The following HSPG2 variants were observed in gnomAD, a reference collection of about 807,000 sequenced individuals.
HSPG2 encodes basement membrane-specific heparan sulfate proteoglycan core protein.
HSPG2 carries 278 observed loss-of-function variants against 526.6 expected under a neutral mutation model. The ratio of observed to expected loss-of-function variants is 0.53; its 90% confidence interval spans 0.48 to 0.58. The LOEUF (loss-of-function observed/expected upper bound fraction) is 0.58. Ranked by LOEUF, HSPG2 falls within the 20% of genes least tolerant of loss-of-function variation. The probability of loss-of-function intolerance (pLI) is 0.00; values close to 1 mark genes in which losing one functional copy is unlikely to be tolerated. For missense variants in HSPG2, 5,354 were observed against 6,099.5 expected, an observed-to-expected ratio of 0.88 and a Z score of 4.07; for synonymous variants, 2,465 against 2,555.4, an observed-to-expected ratio of 0.96 and a Z score of 1.07.
In HSPG2 at chr1:21,852,972, G is replaced by A. The variant is rs746072798; in HGVS notation, c.6538C>T (p.His2180Tyr). 6.2e-7 allele frequency: 1 copy of A among 1,613,576 alleles called. No homozygotes were observed. The highest frequency in any genetic ancestry group is 2.2e-5 in the East Asian group (1 of 44,870). ...DLNCVVPGQA[H>Y]AQVTWHKRGG... ...CGCTTGTGCCACGTGACCTGGGCGT[G>A]GGCCTGCCCGGGCACCACGCAGTTC... Residue 2180 changes from histidine to tyrosine, a missense_variant, in exon 51 of 97, where the codon CAC becomes TAC. By Grantham distance (83) the His-to-Tyr change is moderately conservative. Coordinates refer to ENST00000374695, the MANE Select transcript of HSPG2 (RefSeq NM_005529.7).
In HSPG2 at chr1:21,855,691, G is replaced by T; in HGVS notation, c.5702-16C>A. The T allele has an allele frequency of 6.3e-7, 1 of 1,584,226 alleles. No homozygotes were observed. On this transcript the variant is annotated splice_polypyrimidine_tract_variant and intron_variant, in intron 45 of 96. Coordinates refer to ENST00000374695, the MANE Select transcript of HSPG2 (RefSeq NM_005529.7). ...CCGGGGCCCCCTGACGAGTAGACGTGGGGTCAGCACCCACCAAGCCTGCTC... is the reference window on the plus strand; with the variant it reads ...CCGGGGCCCCCTGACGAGTAGACGTTGGGTCAGCACCCACCAAGCCTGCTC...
rs1455828077 is a variant in HSPG2, at chr1:21,864,667, C to T, written c.4626+176G>A. Among the ~76,000 whole-genome samples, 1 of 152,218 alleles carries T rather than the reference C, an allele frequency of 6.6e-6. No homozygotes were observed. The highest frequency in any genetic ancestry group is 1.5e-5 in the Non-Finnish European group (1 of 68,046). Reference sequence around the variant, plus strand: ...ACCCCTCAGCACCTCTATTTTTTTACCTGTTAAAGGGGATAATGATATGTA... The same window carrying T: ...ACCCCTCAGCACCTCTATTTTTTTATCTGTTAAAGGGGATAATGATATGTA... On this transcript the variant is annotated intron_variant, in intron 36 of 96. Coordinates refer to ENST00000374695, the MANE Select transcript of HSPG2 (RefSeq NM_005529.7). This position sits in a 1 kb window ranked among gnomAD's most constrained non-coding sequence, Gnocchi z 4.8.
chr1:21,876,058 G>A lies in HSPG2; in HGVS notation c.3004-16C>T, dbSNP rs200676579. 6.2e-7 allele frequency: 1 copy of A among 1,613,598 alleles called. No homozygotes were observed. Among genetic ancestry groups the A allele is most frequent in the Non-Finnish European group, 8.5e-7 (1 of 1,179,838 alleles). ...AGGAGGTCACCTGGGACCAGGGTTA[G>A]ACAGGAGCTTGCGGAGGCCTGAATT... On this transcript the variant is annotated splice_polypyrimidine_tract_variant and intron_variant, in intron 23 of 96. Coordinates refer to ENST00000374695, the MANE Select transcript of HSPG2 (RefSeq NM_005529.7).
At chr1:21,912,621 G>A (rs982806098) in intron 1 of HSPG2, among the ~76,000 whole-genome samples, 1 of 152,220 alleles carries the variant, frequency 6.6e-6, no homozygotes, top group East Asian at 1.9e-4. Context: ...TGACACTTCC[G>A]GCTGCTGGGG....
chr1:21,874,623 G>C lies in HSPG2; in HGVS notation c.3521C>G (p.Ala1174Gly), dbSNP rs896082703. Reference sequence around the variant, plus strand: ...AAGGAGGGCGGGACTTACCTGGCAGGCACCTGTTTCTGGCTCGCAGGCCTC... The same window carrying C: ...AAGGAGGGCGGGACTTACCTGGCAGCCACCTGTTTCTGGCTCGCAGGCCTC... The part of the protein sequence containing the change: ...HSEACEPETG[A>G]CQGCQHHTEG... The change falls in exon 27 of 97, where the codon GCC (alanine) becomes GGC (glycine). Residue 1174 changes from alanine to glycine, a missense_variant. Physicochemically the swap from Ala to Gly is moderately conservative, Grantham distance 60. Coordinates refer to ENST00000374695, the MANE Select transcript of HSPG2 (RefSeq NM_005529.7). The C allele has an allele frequency of 1.2e-6, 2 of 1,613,960 alleles. No individual in the cohort carries two copies. Among genetic ancestry groups the C allele is most frequent in the Non-Finnish European group, 1.7e-6 (2 of 1,179,938 alleles).
At chr1:21,840,941 T>G (rs1459112434) in intron 71 of HSPG2, among the ~76,000 whole-genome samples, 160 bp downstream of exon 71, 2 of 152,130 alleles carry the variant, frequency 1.3e-5, no homozygotes, top group African/African-American at 4.8e-5. Flanking sequence ...CCCTCTCATC[T>G]TCCAGTCTAT....
At position 21,890,500 on chromosome 1, in the gene HSPG2, A is replaced by G. The variant is rs771365879; in HGVS notation, c.355-15T>C. Reference sequence around the variant, plus strand: ...TCCGACTCCAGCTGGGGAGGGACACAGTGCCATCAGCCCCAGAGGCCTTCA... The same window carrying G: ...TCCGACTCCAGCTGGGGAGGGACACGGTGCCATCAGCCCCAGAGGCCTTCA... On this transcript the variant is annotated splice_polypyrimidine_tract_variant and intron_variant, in intron 4 of 96. Coordinates refer to ENST00000374695, the MANE Select transcript of HSPG2 (RefSeq NM_005529.7). The surrounding 1 kb of genome is among the most constrained non-coding windows in gnomAD (Gnocchi z 4.1). 1.1e-5 allele frequency: 18 copies of G among 1,613,844 alleles called. No homozygotes were observed. The South Asian group carries it at 1.8e-4, about 16-fold the overall frequency.
Position 21,847,498 on chromosome 1 carries a change from C to T in HSPG2, c.8026-6G>A, listed in dbSNP as rs753950317. The stretch of plus-strand genomic sequence containing the variant: ...CGCAGGTGGGAGCCATGGGTCTGGA[C>T]GTGCGGATGGGGAAGGAGAGGGAGA... On this transcript the variant is annotated splice_polypyrimidine_tract_variant and splice_region_variant and intron_variant, in intron 61 of 96. Coordinates refer to ENST00000374695, the MANE Select transcript of HSPG2 (RefSeq NM_005529.7). This position sits in a 1 kb window ranked among gnomAD's most constrained non-coding sequence, Gnocchi z 4.1. 1.7e-5 allele frequency: 28 copies of T among 1,613,530 alleles called. No individual in the cohort carries two copies. The highest frequency in any genetic ancestry group is 6.7e-5 in the African/African-American group (5 of 74,880).
rs560934896 is a variant in HSPG2 at position 21,861,783 on chromosome 1, G to C, written c.4929C>G (p.Pro1643=). The C allele has an allele frequency of 1.2e-6, 2 of 1,613,790 alleles. No individual in the cohort carries two copies. Among genetic ancestry groups the C allele is most frequent in the African/African-American group, 2.7e-5 (2 of 74,936 alleles). The change falls in exon 39 of 97, where the codon CCC becomes CCG. Residue 1643 remains proline, a synonymous_variant. Transcript: ENST00000374695. ...AGGYRCTACE[P]GYTGQYCEQC... ...GCTCACAGTACTGGCCAGTGTAGCC[G>C]GGTTCGCAGGCCGTGCAGCGGTACC...
Position 21,859,481 on chromosome 1 carries a change from G to T in HSPG2, c.5293+85C>A. On this transcript the variant is annotated intron_variant, in intron 42 of 96. Transcript: ENST00000374695. This position sits in a 1 kb window ranked among gnomAD's most constrained non-coding sequence, Gnocchi z 5.3. ...GGGCAACCACTGCCCCCTCCCAGCA[G>T]GTGAATGCACCATCTGCCTGAATCT... 1 of 1,062,722 alleles carries T rather than the reference G, an allele frequency of 9.4e-7. No individual in the cohort carries two copies. Among genetic ancestry groups the T allele is most frequent in the Non-Finnish European group, 1.4e-6 (1 of 702,848 alleles). The allele number at this position is 1,062,722 out of a possible 1,614,324, so 65.8% of individuals were successfully genotyped here.
intron 2 of HSPG2, 98 bp from the exon 3 acceptor site, chr1:21,896,064 C>A (rs1642721702): frequency 1.9e-6 from 3 of 1,595,910 alleles, no homozygotes. Context: ...TACAGTGGGA[C>A]AGGGTTGAGA....
chr1:21,923,581 A>C (rs549944097), intron 1 of HSPG2, among the ~76,000 whole-genome samples: 1 of 152,198 alleles, frequency 6.6e-6, no homozygotes, highest in East Asian at 1.9e-4. Flanking sequence ...CTCCTCCCAC[A>C]GGCTCACTGC....
intron 85 of HSPG2, 46 bp from the exon 86 acceptor site, chr1:21,830,137 A>G: frequency 6.8e-7 from 1 of 1,462,990 alleles, no homozygotes; most frequent in Non-Finnish European, 9.3e-7. Context: ...GTGACTCTGG[A>G]GGGAGGGGGG....
chr1:21,837,063 C>T (rs2098029340), intron 74 of HSPG2, 57 bp from the exon 75 acceptor site: 1 of 1,447,918 alleles, frequency 6.9e-7, no homozygotes, highest in East Asian at 2.5e-5. Flanking sequence ...TCCCTGATGC[C>T]CCTCCAGGGA....
rs746624289 is a variant in HSPG2 at position 21,872,891 on chromosome 1, C to T, written c.3888+106G>A. 7.9e-6 allele frequency: 12 copies of T among 1,519,944 alleles called. No homozygotes were observed. The highest frequency in any genetic ancestry group is 1.7e-5 in the Admixed American group (1 of 59,664). 94.2% of individuals were successfully genotyped at this position (1,519,944 alleles called of 1,614,324 possible). A position where few individuals can be genotyped will look rare whatever the true frequency, so the allele number is the denominator to read the frequency against. ...CCCCTGCCCTGTCCCCCATGCCCTGCCCCCCATGCCCAGGTCTCGGCTTCC... is the reference window on the plus strand; with the variant it reads ...CCCCTGCCCTGTCCCCCATGCCCTGTCCCCCATGCCCAGGTCTCGGCTTCC... On this transcript the variant is annotated intron_variant, in intron 31 of 96. Coordinates refer to ENST00000374695, the MANE Select transcript of HSPG2 (RefSeq NM_005529.7). The surrounding 1 kb of genome is among the most constrained non-coding windows in gnomAD (Gnocchi z 5.5).
At chr1:21,907,494 T>TA (rs1643441327) in intron 1 of HSPG2, among the ~76,000 whole-genome samples, 2 of 152,126 alleles carry the variant, frequency 1.3e-5, no homozygotes, top group Non-Finnish European at 1.5e-5. Flanking sequence ...GGGGCACCGT[T>TA]AGAGTTTGGG....
Position 21,830,066 on chromosome 1 carries a change from A to T in HSPG2, c.11697T>A (p.Cys3899Ter), listed in dbSNP as rs760022055. The change falls in exon 86 of 97, where the codon TGT (cysteine) becomes TGA (stop). Residue 3899 changes from cysteine to a stop codon, truncating the protein, a stop_gained. Transcript: ENST00000374695. LOFTEE classifies it high-confidence loss of function. ...HPEACGPDAT[C>*]VNRPDGRGYT... is the part of the protein sequence containing the mutation. ...AGCCTCGACCGTCAGGCCGGTTCAC[A>T]CAGGTGGCGTCGGGCCCACAGGCCT... is the stretch of plus-strand genomic sequence containing the variant. 6.2e-7 allele frequency: 1 copy of T among 1,602,782 alleles called. No homozygotes were observed. The highest frequency in any genetic ancestry group is 1.1e-5 in the South Asian group (1 of 89,092).
intron 33 of HSPG2, among the ~76,000 whole-genome samples, chr1:21,867,960 C>T (rs1267526820): frequency 6.6e-6 from 1 of 151,944 alleles, no homozygotes. Flanking sequence ...AAACTCCTGT[C>T]CTCAGGTGTT....
chr1:21,902,526 C>T (rs1643157361), intron 1 of HSPG2, among the ~76,000 whole-genome samples: 1 of 152,228 alleles, frequency 6.6e-6, no homozygotes, highest in Admixed American at 6.5e-5. Context: ...GGTACAGTTA[C>T]CTGCTCCAGG....
Sources: allele counts gnomAD v4.1 joint callset (sites outside exome capture counted in the v4.1 genomes callset), GRCh38; gene constraint gnomAD v4.1.1; non-coding constraint Gnocchi (gnomAD v3.1); transcripts MANE v1.5; gene names NCBI Gene and HGNC (gene_info 2026-07-23, HGNC 2026-07-21).